GPR139: variants seen among roughly 807,000 people sequenced by gnomAD.
GPR139 encodes probable G protein-coupled receptor 139.
GPR139 carries 12 observed loss-of-function variants against 25.8 expected under a neutral mutation model. That is an observed-to-expected ratio of 0.47 (90% CI 0.30 to 0.75). The LOEUF is 0.75. Among genes scored for constraint, GPR139 ranks in the 30% least tolerant of loss-of-function variants. The pLI is 0.07. For synonymous variants in GPR139, 184 were observed against 179.9 expected, an observed-to-expected ratio of 1.02 and a Z score of -0.18; for missense variants, 380 against 450.2, an observed-to-expected ratio of 0.84 and a Z score of 1.41.
chr16:20,043,446 A>G (rs2057343455), intron 1 of GPR139, among the ~76,000 whole-genome samples: 1 of 152,186 alleles, frequency 6.6e-6, no homozygotes, highest in Admixed American at 6.5e-5. Context: ...ATTTTACATG[A>G]TTCACTGATG....
intron 1 of GPR139, among the ~76,000 whole-genome samples, chr16:20,045,039 G>C (rs1016217697): frequency 7.5e-6 from 1 of 132,580 alleles, no homozygotes; most frequent in Non-Finnish European, 1.5e-5. Flanking sequence ...TTGCTCTGTC[G>C]CTCAGGCTGG....
intron 1 of GPR139, among the ~76,000 whole-genome samples, chr16:20,033,992 A>T (rs75996459): frequency 0.26 from 37,359 of 145,634 alleles, 5,037 homozygotes; most frequent in East Asian, 0.5. Context: ...TTTTTTTTTT[A>T]AAAAAAGTCT....
chr16:20,031,496 G>A lies in GPR139; in HGVS notation c.*239C>T. ...CAAGCTCCAATGGCATCTTCAAACT[G>A]GTAGGAGCTTTTGCTGTCATTACGA... On this transcript the variant is annotated 3_prime_UTR_variant, in exon 2 of 2. Coordinates refer to ENST00000570682, the MANE Select transcript of GPR139 (RefSeq NM_001002911.4). 1 of 530,776 alleles carries A rather than the reference G, an allele frequency of 1.9e-6. No homozygotes were observed. The highest frequency in any genetic ancestry group is 2.5e-5 in the South Asian group (1 of 40,746). 32.9% of individuals were successfully genotyped at this position (530,776 alleles called of 1,614,324 possible). A position where few individuals can be genotyped will look rare whatever the true frequency, so the allele number is the denominator to read the frequency against.
chr16:20,067,185 C>T (rs755988255), intron 1 of GPR139, among the ~76,000 whole-genome samples: 26 of 152,188 alleles, frequency 1.7e-4, no homozygotes, highest in Non-Finnish European at 3.8e-4. Flanking sequence ...GCGAAAACTA[C>T]AAAAATGCTG....
chr16:20,035,248 A>T (rs565329030), intron 1 of GPR139, among the ~76,000 whole-genome samples: 1 of 152,158 alleles, frequency 6.6e-6, no homozygotes, highest in Admixed American at 6.5e-5. Context: ...GATTATATTA[A>T]TTAGCCAGGA....
At chr16:20,061,234 G>T (rs1340107729) in intron 1 of GPR139, among the ~76,000 whole-genome samples, 6 of 148,760 alleles carry the variant, frequency 4.0e-5, no homozygotes, top group Admixed American at 6.6e-5. Context: ...TGTGTGGATG[G>T]ATGGATGGAT....
At position 20,029,933 on chromosome 16, in the gene GPR139, A is replaced by T. The variant is rs992355818; in HGVS notation, c.*1802T>A. ...AAAGCAATGGAATATAATCTCCAAC[A>T]TGGCTCTTTTTTGAGGATCTTTTGC... On this transcript the variant is annotated 3_prime_UTR_variant, in exon 2 of 2. Coordinates refer to ENST00000570682, the MANE Select transcript of GPR139 (RefSeq NM_001002911.4). Among the ~76,000 whole-genome samples, 1 of 152,174 alleles carries T rather than the reference A, an allele frequency of 6.6e-6. No individual in the cohort carries two copies. The highest frequency in any genetic ancestry group is 2.4e-5 in the African/African-American group (1 of 41,450).
intron 1 of GPR139, among the ~76,000 whole-genome samples, chr16:20,069,863 G>C (rs1227437117): frequency 1.3e-5 from 2 of 152,064 alleles, no homozygotes; most frequent in Non-Finnish European, 2.9e-5. Context: ...CATTCCAGTT[G>C]GTCCAATGAG....
chr16:20,047,253 A>G (rs9931109), intron 1 of GPR139, among the ~76,000 whole-genome samples: 141,118 of 152,078 alleles, frequency 0.93, 65,515 homozygotes, highest in East Asian at 0.97. Flanking sequence ...TGGGATTACA[A>G]GCACCCACCA....
chr16:20,032,707 A>G (rs1227747013), intron 1 of GPR139, 38 bp from the exon 2 acceptor site: 8 of 1,527,300 alleles, frequency 5.2e-6, no homozygotes, highest in Non-Finnish European at 7.1e-6. Context: ...CTCTGAAGCA[A>G]AGATGACTTC....
chr16:20,043,456 G>T (rs1358790441), intron 1 of GPR139, among the ~76,000 whole-genome samples: 1 of 152,194 alleles, frequency 6.6e-6, no homozygotes, highest in East Asian at 1.9e-4. Flanking sequence ...ATTCACTGAT[G>T]AACATATTTA....
chr16:20,069,642 T>C (rs1459108556), intron 1 of GPR139, among the ~76,000 whole-genome samples: 1 of 152,224 alleles, frequency 6.6e-6, no homozygotes, highest in Middle Eastern at 3.2e-3. Context: ...GCATGCAGTT[T>C]CAAGCTATCA....
intron 1 of GPR139, among the ~76,000 whole-genome samples, chr16:20,053,700 T>A (rs969420724): frequency 1.3e-5 from 2 of 152,192 alleles, no homozygotes; most frequent in Admixed American, 6.5e-5. Flanking sequence ...TTACGAGATA[T>A]TTCAGAGGTA....
chr16:20,066,259 CG>C (rs2057433628), intron 1 of GPR139, among the ~76,000 whole-genome samples: 2 of 152,330 alleles, frequency 1.3e-5, no homozygotes, highest in Non-Finnish European at 2.9e-5. Flanking sequence ...CAGATCCACA[CG>C]GAGGTTCAGT....
chr16:20,039,269 G>A (rs989264148), intron 1 of GPR139, among the ~76,000 whole-genome samples: 1 of 152,182 alleles, frequency 6.6e-6, no homozygotes, highest in African/African-American at 2.4e-5. Flanking sequence ...CCACACCACT[G>A]AATCGTCTGC....
intron 1 of GPR139, among the ~76,000 whole-genome samples, chr16:20,054,181 A>G (rs2057381515): frequency 6.6e-6 from 1 of 152,230 alleles, no homozygotes; most frequent in African/African-American, 2.4e-5. Context: ...ATCATTTTAT[A>G]CTTGAGTCAC....
At chr16:20,035,756 T>C (rs186978851) in intron 1 of GPR139, among the ~76,000 whole-genome samples, 1 of 152,210 alleles carries the variant, frequency 6.6e-6, no homozygotes, top group Non-Finnish European at 1.5e-5. Context: ...GGAAACAGCA[T>C]GTGCAAATGT....
In GPR139 at chr16:20,032,267, G is replaced by A. The variant is rs1408438853; in HGVS notation, c.530C>T (p.Thr177Ile). 3 of 1,614,172 alleles carry A rather than the reference G, an allele frequency of 1.9e-6. No homozygotes were observed. Among genetic ancestry groups the A allele is most frequent in the Non-Finnish European group, 8.5e-7 (1 of 1,180,020 alleles). ...PNIWTEDYISTSVHHVLIWIH... is the reference protein window; with the variant it reads ...PNIWTEDYISISVHHVLIWIH... ...CCAGATGAGGACGTGATGCACAGAG[G>A]TGCTGATGTAGTCTTCAGTCCAGAT... The change falls in exon 2 of 2, where the codon ACC (threonine) becomes ATC (isoleucine). Residue 177 changes from threonine (T) to isoleucine (I), a missense_variant. Thr to Ile is a moderately conservative substitution (Grantham distance 89). Transcript: ENST00000570682.
At position 20,038,367 on chromosome 16, in the gene GPR139, G is replaced by A. The variant is rs1384692132; in HGVS notation, c.128-5698C>T. 8.8e-5 allele frequency among the ~76,000 whole-genome samples: 12 copies of A among 136,836 alleles called. 1 individual carries two copies. Among genetic ancestry groups the A allele is most frequent in the African/African-American group, 3.0e-4 (11 of 36,390 alleles). The allele number at this position is 136,836 out of a possible 152,430, so 89.8% of individuals were successfully genotyped here. A position where few individuals can be genotyped will look rare whatever the true frequency, so the allele number is the denominator to read the frequency against. On this transcript the variant is annotated intron_variant, in intron 1 of 1. Transcript: ENST00000570682. ...TGTGTGTGTGTGTGTGTGTGTGTGT[G>A]TGTATTCTATAGAGAGTGACTCTCC...
Sources: allele counts gnomAD v4.1 joint callset (sites outside exome capture counted in the v4.1 genomes callset), GRCh38; gene constraint gnomAD v4.1.1; transcripts MANE v1.5; gene names NCBI Gene and HGNC (gene_info 2026-07-23, HGNC 2026-07-21).